Variants in DIAPH3 observed in about 807,000 individuals in gnomAD.
The protein encoded by DIAPH3 is protein diaphanous homolog 3.
A neutral mutation model predicts 144.3 loss-of-function variants in DIAPH3; 117 were observed. The ratio of observed to expected loss-of-function variants is 0.81; its 90% CI spans 0.70 to 0.95. The LOEUF (loss-of-function observed/expected upper bound fraction) is 0.95, where lower values mean the gene tolerates loss of function less well. Among genes scored for constraint, DIAPH3 ranks in the 40% least tolerant of loss-of-function variants. The pLI, the probability that DIAPH3 is intolerant of heterozygous loss-of-function variation, is 0.00. For synonymous variants in DIAPH3, 519 were observed against 488.9 expected (o/e 1.06, Z -0.81); for missense variants, 1,421 against 1,412.7 (o/e 1.01, Z -0.09).
intron 27 of DIAPH3, among the ~76,000 whole-genome samples, chr13:59,752,200 A>G (rs1477464320): frequency 2.5e-4 from 38 of 152,144 alleles, no homozygotes; most frequent in Admixed American, 2.5e-3. Context: ...CAAATACTCT[A>G]TAAGGTAGGT....
chr13:59,915,799 T>C (rs1019866867), intron 19 of DIAPH3, among the ~76,000 whole-genome samples: 15 of 152,016 alleles, frequency 9.9e-5, no homozygotes, highest in Non-Finnish European at 2.1e-4. Flanking sequence ...CATATAATAA[T>C]ATCTTCATAA....
At chr13:59,717,339 C>T (rs1158437081) in intron 27 of DIAPH3, among the ~76,000 whole-genome samples, 1 of 152,146 alleles carries the variant, frequency 6.6e-6, no homozygotes, top group East Asian at 1.9e-4. Flanking sequence ...TCTCAGGGGC[C>T]TACTTGACAG....
At chr13:60,114,243 A>G (rs1236295511) in intron 2 of DIAPH3, among the ~76,000 whole-genome samples, 2 of 151,668 alleles carry the variant, frequency 1.3e-5, no homozygotes, top group African/African-American at 4.8e-5. Flanking sequence ...CATGAGATGA[A>G]TAATTTCAGC....
At chr13:59,673,400 C>A (rs2032480478) in intron 27 of DIAPH3, among the ~76,000 whole-genome samples, 2 of 152,166 alleles carry the variant, frequency 1.3e-5, no homozygotes, top group Non-Finnish European at 2.9e-5. Context: ...ACATTTGCAA[C>A]ATTTTGGAAT....
At chr13:59,900,831 T>C (rs1172699565) in intron 20 of DIAPH3, among the ~76,000 whole-genome samples, 1 of 152,194 alleles carries the variant, frequency 6.6e-6, no homozygotes, top group African/African-American at 2.4e-5. Context: ...CCCTTAGTTA[T>C]CTTCCCTTCC....
intron 22 of DIAPH3, among the ~76,000 whole-genome samples, chr13:59,843,118 G>C (rs948783583): frequency 6.6e-6 from 1 of 152,128 alleles, no homozygotes; most frequent in African/African-American, 2.4e-5. Context: ...CCTGTCTTTA[G>C]TCACTACATT....
chr13:60,137,232 A>T (rs1176880908), intron 1 of DIAPH3, among the ~76,000 whole-genome samples: 3 of 152,206 alleles, frequency 2.0e-5, no homozygotes, highest in Admixed American at 2.0e-4. Flanking sequence ...TTTTCTTCAA[A>T]AGAACATAGG....
chr13:59,973,536 T>C (rs2050505530), intron 15 of DIAPH3, among the ~76,000 whole-genome samples: 1 of 152,090 alleles, frequency 6.6e-6, no homozygotes, highest in Non-Finnish European at 1.5e-5. Flanking sequence ...TTTTCTAAAA[T>C]TGAATACTAA....
intron 25 of DIAPH3, among the ~76,000 whole-genome samples, chr13:59,787,378 T>A (rs2039089478): frequency 6.6e-6 from 1 of 152,170 alleles, no homozygotes; most frequent in Non-Finnish European, 1.5e-5. Flanking sequence ...AGTTCTGGAA[T>A]GGGAAGATAT....
chr13:59,811,611 C>T (rs1593515753), intron 24 of DIAPH3, among the ~76,000 whole-genome samples: 1 of 151,512 alleles, frequency 6.6e-6, no homozygotes, highest in African/African-American at 2.4e-5. Flanking sequence ...GTGGCGGGTG[C>T]CTGTAATCCC....
At chr13:59,851,144 C>G (rs868695627) in intron 22 of DIAPH3, among the ~76,000 whole-genome samples, 1 of 151,996 alleles carries the variant, frequency 6.6e-6, no homozygotes, top group East Asian at 1.9e-4. Flanking sequence ...ACTGGCAAAC[C>G]GAATCCAGTA....
chr13:59,964,107 G>C (rs946267029), intron 17 of DIAPH3, among the ~76,000 whole-genome samples: 22 of 152,072 alleles, frequency 1.4e-4, no homozygotes, highest in Non-Finnish European at 2.2e-4. Context: ...TAAATTCTGA[G>C]ACAAAAGGTG....
intron 1 of DIAPH3, among the ~76,000 whole-genome samples, chr13:60,152,109 C>A (rs977666795): frequency 3.3e-5 from 5 of 152,080 alleles, no homozygotes; most frequent in Admixed American, 2.6e-4. Flanking sequence ...GCAGCAATTA[C>A]GGGATAAACT....
At chr13:59,714,237 G>A (rs2034915893) in intron 27 of DIAPH3, among the ~76,000 whole-genome samples, 3 of 150,750 alleles carry the variant, frequency 2.0e-5, no homozygotes, top group African/African-American at 4.9e-5. Flanking sequence ...GCGGGCGCCT[G>A]TAGTCCCAGC....
intron 22 of DIAPH3, among the ~76,000 whole-genome samples, chr13:59,855,959 T>A (rs1176792151): frequency 6.6e-6 from 1 of 152,136 alleles, no homozygotes; most frequent in South Asian, 2.1e-4. Flanking sequence ...AAACTTGGTA[T>A]AGTATGATTA....
At chr13:60,131,288 T>C (rs1212113858) in intron 2 of DIAPH3, among the ~76,000 whole-genome samples, 2 of 150,792 alleles carry the variant, frequency 1.3e-5, no homozygotes, top group Non-Finnish European at 3.0e-5. Context: ...ACTTCAAAAT[T>C]AGCTAGGTGA....
intron 21 of DIAPH3, among the ~76,000 whole-genome samples, chr13:59,876,527 T>C (rs1184828563): frequency 6.6e-6 from 1 of 152,248 alleles, no homozygotes; most frequent in African/African-American, 2.4e-5. Flanking sequence ...AATGAGAGGA[T>C]GTCTATTTAT....
chr13:59,932,642 A>C (rs929188310), intron 17 of DIAPH3, among the ~76,000 whole-genome samples: 2 of 152,114 alleles, frequency 1.3e-5, no homozygotes, highest in African/African-American at 4.8e-5. Context: ...GACAAATTAG[A>C]CTCACTTAAT....
chr13:60,039,802 A>G (rs2055501339), intron 5 of DIAPH3, among the ~76,000 whole-genome samples: 1 of 152,218 alleles, frequency 6.6e-6, no homozygotes, highest in Non-Finnish European at 1.5e-5. Flanking sequence ...CTGTATAAAA[A>G]TTAAAAACTG....
Sources: allele counts gnomAD v4.1 joint callset (sites outside exome capture counted in the v4.1 genomes callset), GRCh38; gene constraint gnomAD v4.1.1; transcripts MANE v1.5; gene names NCBI Gene and HGNC (gene_info 2026-07-23, HGNC 2026-07-21).